Variants in AKT3 observed in about 807,000 individuals in gnomAD.
The protein encoded by AKT3 is AKT serine/threonine kinase 3.
Under a neutral mutation model 65.3 loss-of-function variants are expected in AKT3, and 15 were observed. The observed-to-expected ratio is 0.23, with a 90% CI of 0.15 to 0.35. The LOEUF is 0.35. AKT3 is among the 10% of genes least tolerant of loss of function. AKT3 has a pLI of 1.00. For synonymous variants in AKT3, 206 were observed against 183.8 expected (o/e 1.12, Z -0.98); for missense variants, 243 against 576.5 (o/e 0.42, Z 5.92).
Position 243,778,920 on chromosome 1 carries a change from CT to C in AKT3, c.46+64204del, listed in dbSNP as rs60460562. On this transcript the variant is annotated intron_variant, in intron 2 of 13. Coordinates refer to ENST00000673466, the MANE Select transcript of AKT3 (RefSeq NM_005465.7). The stretch of plus-strand genomic sequence containing the variant: ...CCATATAAATACTATTCTTCCGATT[CT>C]TTTTTTTTTCTTGTCACTGAATGGA... Among the ~76,000 whole-genome samples, 914 of 149,868 alleles carry C rather than the reference CT, an allele frequency of 6.1e-3. 15 individuals carry two copies. Among genetic ancestry groups the C allele is most frequent in the African/African-American group, 0.021 (864 of 40,896 alleles).
chr1:243,539,274 C>T (rs769120757), intron 12 of AKT3, among the ~76,000 whole-genome samples: 5 of 152,070 alleles, frequency 3.3e-5, no homozygotes, highest in African/African-American at 9.7e-5. Flanking sequence ...AAGACCTTTA[C>T]GATAATCCAC....
chr1:243,575,294 A>G (rs1674857880), intron 8 of AKT3, among the ~76,000 whole-genome samples: 1 of 152,150 alleles, frequency 6.6e-6, no homozygotes. Flanking sequence ...GCTCTGAACC[A>G]ACTTTTCAAT....
intron 3 of AKT3, among the ~76,000 whole-genome samples, chr1:243,671,943 C>T (rs1221094429): frequency 6.6e-6 from 1 of 152,194 alleles, no homozygotes; most frequent in African/African-American, 2.4e-5. Context: ...AATCAGTAAT[C>T]ATCTGTCAAA....
At chr1:243,769,803 C>A (rs1253736268) in intron 2 of AKT3, among the ~76,000 whole-genome samples, 1 of 152,146 alleles carries the variant, frequency 6.6e-6, no homozygotes, top group Non-Finnish European at 1.5e-5. Flanking sequence ...CGGCCTTTGA[C>A]ATACAAGTTT....
chr1:243,790,253 C>T (rs1333450730), intron 2 of AKT3, among the ~76,000 whole-genome samples: 1 of 152,188 alleles, frequency 6.6e-6, no homozygotes, highest in East Asian at 1.9e-4. Context: ...CACTGAAAAT[C>T]TATTGTTTAG....
intron 8 of AKT3, among the ~76,000 whole-genome samples, chr1:243,585,729 A>G (rs568083803): frequency 6.6e-6 from 1 of 152,324 alleles, no homozygotes; most frequent in South Asian, 2.1e-4. Flanking sequence ...TACCATATAC[A>G]AAAATTAACT....
At chr1:243,821,505 C>G (rs1367972673) in intron 2 of AKT3, among the ~76,000 whole-genome samples, 2 of 152,166 alleles carry the variant, frequency 1.3e-5, no homozygotes, top group Non-Finnish European at 2.9e-5. Flanking sequence ...CATAAACAAT[C>G]AAGACCCATC....
At chr1:243,645,677 A>G (rs962269480) in intron 5 of AKT3, among the ~76,000 whole-genome samples, 3 of 152,254 alleles carry the variant, frequency 2.0e-5, no homozygotes, top group African/African-American at 7.2e-5. Flanking sequence ...CATGAGCCCT[A>G]TCAGCATTCA....
chr1:243,682,372 C>T (rs1262517842), intron 3 of AKT3, among the ~76,000 whole-genome samples: 1 of 151,990 alleles, frequency 6.6e-6, no homozygotes, highest in Non-Finnish European at 1.5e-5. Context: ...AGTTTATAAC[C>T]TTTTTAGCTT....
chr1:243,811,609 T>C (rs1030099068), intron 2 of AKT3, among the ~76,000 whole-genome samples: 14 of 152,258 alleles, frequency 9.2e-5, no homozygotes, highest in South Asian at 4.1e-4. Flanking sequence ...AGGTAATTTA[T>C]AGATTCAATG....
chr1:243,646,069 G>A, intron 4 of AKT3, 32 bp from the exon 5 acceptor site: 2 of 1,539,456 alleles, frequency 1.3e-6, no homozygotes, highest in Non-Finnish European at 1.8e-6. Flanking sequence ...CCCATTAATA[G>A]AAGATGGTAA....
intron 5 of AKT3, among the ~76,000 whole-genome samples, chr1:243,643,083 C>T (rs980837809): frequency 6.6e-6 from 1 of 152,208 alleles, no homozygotes; most frequent in Non-Finnish European, 1.5e-5. Context: ...TATTAGTCAA[C>T]TTCTACATTG....
At chr1:243,653,253 G>A (rs528393105) in intron 4 of AKT3, among the ~76,000 whole-genome samples, 1 of 152,258 alleles carries the variant, frequency 6.6e-6, no homozygotes, top group Admixed American at 6.5e-5. Context: ...TAGAAGAAAT[G>A]GATAAATTCC....
chr1:243,608,743 C>CTT (rs566574203), intron 8 of AKT3, among the ~76,000 whole-genome samples: 1,672 of 70,794 alleles, frequency 0.024, 405 homozygotes, highest in African/African-American at 0.075. Flanking sequence ...AAGTTTTTTG[C>CTT]TTTTTTTTTT....
chr1:243,728,233 T>C (rs1687334567), intron 2 of AKT3, among the ~76,000 whole-genome samples: 1 of 152,198 alleles, frequency 6.6e-6, no homozygotes, highest in South Asian at 2.1e-4. Context: ...TGTTGCATAA[T>C]GGTCATCATC....
chr1:243,815,794 T>TGTTGTTGTTGTTGTTGTA (rs1176525187), intron 2 of AKT3, among the ~76,000 whole-genome samples: 1 of 151,678 alleles, frequency 6.6e-6, no homozygotes, highest in Non-Finnish European at 1.5e-5. Context: ...TTGTTGTTGT[T>TGTTGTTGTTGTTGTTGTA]GTTGTAGAGA....
In AKT3 at chr1:243,659,105, C is replaced by T. The variant is rs140600071; in HGVS notation, c.284+5667G>A. ...ATTCAGCCTTAAAAAAGAAGAAAAT[C>T]CTCTAATATGCTGTAACATGGATTA... is the stretch of plus-strand genomic sequence containing the variant. On this transcript the variant is annotated intron_variant, in intron 4 of 13. Coordinates refer to ENST00000673466, the MANE Select transcript of AKT3 (RefSeq NM_005465.7). Among the ~76,000 whole-genome samples, 370 of 151,888 alleles carry T rather than the reference C, an allele frequency of 2.4e-3. 2 individuals are homozygous for T. Among genetic ancestry groups the T allele is most frequent in the African/African-American group, 8.7e-3 (362 of 41,470 alleles).
chr1:243,725,092 T>C (rs935853963), intron 2 of AKT3, among the ~76,000 whole-genome samples: 5 of 151,652 alleles, frequency 3.3e-5, no homozygotes, highest in African/African-American at 4.8e-5. Flanking sequence ...TGCCCGTAGT[T>C]CTAGCTACTC....
At chr1:243,743,688 C>A (rs1688304428) in intron 2 of AKT3, among the ~76,000 whole-genome samples, 1 of 152,232 alleles carries the variant, frequency 6.6e-6, no homozygotes, top group South Asian at 2.1e-4. Flanking sequence ...AAAAAGAGTT[C>A]TACTTCATTA....
Sources: allele counts gnomAD v4.1 joint callset (sites outside exome capture counted in the v4.1 genomes callset), GRCh38; gene constraint gnomAD v4.1.1; transcripts MANE v1.5; gene names NCBI Gene and HGNC (gene_info 2026-07-23, HGNC 2026-07-21).